The following CD36 variants were observed in gnomAD, a reference collection of about 807,000 sequenced individuals.
CD36 encodes the protein CD36 molecule (CD36 blood group).
CD36 carries 119 observed loss-of-function variants against 55.2 expected under a neutral mutation model. The ratio of observed to expected loss-of-function variants is 2.15; its 90% CI spans 1.86 to 2.51. CD36 has a LOEUF of 2.51. Among genes scored for constraint, CD36 ranks in the 30% most tolerant of loss-of-function variants. CD36 has a pLI of 0.00. For missense variants in CD36, 819 were observed against 555.5 expected (o/e 1.47, Z -4.77); for synonymous variants, 186 against 193.6 (o/e 0.96, Z 0.33).
At chr7:80,641,163 A>G (rs1485917203) in intron 1 of CD36, among the ~76,000 whole-genome samples, 3 of 152,054 alleles carry the variant, frequency 2.0e-5, no homozygotes, top group Non-Finnish European at 1.5e-5. Flanking sequence ...GGTATTGTGC[A>G]TAAAATTTAC....
intron 1 of CD36, among the ~76,000 whole-genome samples, chr7:80,643,919 T>C (rs911516413): frequency 6.6e-6 from 1 of 152,136 alleles, no homozygotes; most frequent in Non-Finnish European, 1.5e-5. Flanking sequence ...CAGAAAATAT[T>C]TGGGGATGGT....
intron 3 of CD36, among the ~76,000 whole-genome samples, chr7:80,654,549 C>T (rs1795883722): frequency 6.6e-6 from 1 of 152,124 alleles, no homozygotes; most frequent in African/African-American, 2.4e-5. Context: ...CCTCACCAAA[C>T]ATATTTACAT....
At chr7:80,674,835 A>G (rs1367100168) in intron 14 of CD36, among the ~76,000 whole-genome samples, 1 of 152,062 alleles carries the variant, frequency 6.6e-6, no homozygotes, top group Non-Finnish European at 1.5e-5. Flanking sequence ...ATGTAAATAA[A>G]AGCAGTATGT....
At chr7:80,647,679 G>T (rs1411856125) in intron 3 of CD36, among the ~76,000 whole-genome samples, 1 of 152,152 alleles carries the variant, frequency 6.6e-6, no homozygotes, top group Admixed American at 6.5e-5. Context: ...TCAAATGGCT[G>T]CAGGAGTTTG....
At position 80,674,270 on chromosome 7, in the gene CD36, CAT is replaced by C. The variant is rs1798048149; in HGVS notation, c.*124_*125del. Reference sequence around the variant, plus strand: ...TTTCTAGACATGTCTAGCCACTGATCATTTTTAAATATAGGTAAATAAACCTA... The same window carrying C: ...TTTCTAGACATGTCTAGCCACTGATCTTTTAAATATAGGTAAATAAACCTA... On this transcript the variant is annotated intron_variant, in intron 14 of 14. Coordinates refer to ENST00000447544, the MANE Select transcript of CD36 (RefSeq NM_001001548.3). 4.4e-6 allele frequency: 3 copies of C among 683,606 alleles called. No homozygotes were observed. The Admixed American group carries it at 7.5e-5, about 17-fold the overall frequency. 42.3% of individuals were successfully genotyped at this position (683,606 alleles called of 1,614,324 possible). A position where few individuals can be genotyped will look rare whatever the true frequency, so the allele number is the denominator to read the frequency against.
chr7:80,624,674 C>T (rs1793649854), intron 1 of CD36, among the ~76,000 whole-genome samples: 1 of 151,874 alleles, frequency 6.6e-6, no homozygotes, highest in Non-Finnish European at 1.5e-5. Flanking sequence ...GAGTTCAAGA[C>T]CAGCCTGGAA....
chr7:80,670,533 AT>A, intron 9 of CD36: 2 of 218,690 alleles, frequency 9.1e-6, no homozygotes, highest in Non-Finnish European at 1.8e-5. Flanking sequence ...GATAAGAAAA[AT>A]ATGTGTATTG....
chr7:80,603,211 T>C (rs1313437092), intron 1 of CD36, among the ~76,000 whole-genome samples: 1 of 152,144 alleles, frequency 6.6e-6, no homozygotes, highest in African/African-American at 2.4e-5. Flanking sequence ...TATGCATATT[T>C]CGAGACACAA....
chr7:80,638,746 G>A lies in CD36; in HGVS notation c.-184G>A, dbSNP rs559985262. ...AAAAATCCTTCTTAGCCATTTTAAAGGTAAGTTGTATGATTTTTCTTTAAA... is the reference window on the plus strand; with the variant it reads ...AAAAATCCTTCTTAGCCATTTTAAAAGTAAGTTGTATGATTTTTCTTTAAA... On this transcript the variant is annotated splice_region_variant and 5_prime_UTR_variant, in exon 1 of 15. Transcript: ENST00000447544. 5.9e-5 allele frequency: 9 copies of A among 151,958 alleles called. No individual in the cohort carries two copies. The East Asian group carries it at 1.7e-3, about 29-fold the overall frequency. The allele number at this position is 151,958 out of a possible 1,614,324, so 9.4% of individuals were successfully genotyped here.
intron 14 of CD36, chr7:80,676,035 T>G (rs1396641397): frequency 6.6e-6 from 1 of 152,104 alleles, no homozygotes; most frequent in East Asian, 1.9e-4. Flanking sequence ...GTTAGAGAAC[T>G]TCTCTCTGCA....
chr7:80,617,117 T>C, intron 1 of CD36, among the ~76,000 whole-genome samples: 1 of 151,778 alleles, frequency 6.6e-6, no homozygotes. Flanking sequence ...GTGGAAAGAG[T>C]GGAAGTAAAT....
At chr7:80,669,783 C>T (rs1238489896) in intron 8 of CD36, among the ~76,000 whole-genome samples, 170 bp from the exon 9 acceptor site, 1 of 152,158 alleles carries the variant, frequency 6.6e-6, no homozygotes, top group East Asian at 1.9e-4. Flanking sequence ...AGGCATGAGC[C>T]AGCATGCCTG....
intron 14 of CD36, chr7:80,674,390 A>G (rs1029926576): frequency 1.2e-5 from 4 of 331,882 alleles, no homozygotes; most frequent in African/African-American, 6.7e-5. Context: ...CAATAGCACA[A>G]ATAAAGCACT....
chr7:80,672,951 C>T (rs1346784213), intron 12 of CD36, 108 bp downstream of exon 12: 2 of 752,558 alleles, frequency 2.7e-6, no homozygotes, highest in African/African-American at 3.5e-5. Context: ...CATCTGATAT[C>T]AACTTATCTT....
At chr7:80,672,158 T>TCTTGAAAGTTACTGAAA (rs1198559106) in intron 11 of CD36, 118 bp downstream of exon 11, 3 of 863,936 alleles carry the variant, frequency 3.5e-6, no homozygotes, top group Non-Finnish European at 5.4e-6. Flanking sequence ...TGAATCACAT[T>TCTTGAAAGTTACTGAAA]CTTGAAAGTT....
upstream of CD36, among the ~76,000 whole-genome samples, chr7:80,638,000 T>C (rs1351281914): frequency 1.3e-5 from 2 of 151,684 alleles, no homozygotes. Flanking sequence ...ATTTAAAGAG[T>C]TTATTTTTTG....
chr7:80,613,377 A>G (rs1792982039), intron 1 of CD36, among the ~76,000 whole-genome samples: 1 of 152,102 alleles, frequency 6.6e-6, no homozygotes, highest in Non-Finnish European at 1.5e-5. Flanking sequence ...TGCTGTATTT[A>G]TCATAGTATC....
At chr7:80,668,240 C>G (rs1322590370) in intron 8 of CD36, among the ~76,000 whole-genome samples, 1 of 152,096 alleles carries the variant, frequency 6.6e-6, no homozygotes, top group African/African-American at 2.4e-5. Context: ...GGAGAAAAAT[C>G]TTTAAAAAGA....
intron 1 of CD36, among the ~76,000 whole-genome samples, chr7:80,604,338 T>A (rs143577716): frequency 2.0e-4 from 28 of 140,608 alleles, no homozygotes; most frequent in African/African-American, 5.7e-4. Flanking sequence ...AGTAATTGGC[T>A]AAGCCACTGG....
Sources: gnomAD v4.1 joint callset for allele counts (sites outside exome capture counted in the v4.1 genomes callset) on GRCh38, gnomAD v4.1.1 for gene constraint, MANE v1.5 for transcripts, NCBI Gene and HGNC (gene_info 2026-07-23, HGNC 2026-07-21) for gene names.